EHMT1: variants seen among roughly 807,000 people sequenced by gnomAD.
EHMT1 encodes histone-lysine N-methyltransferase EHMT1.
In EHMT1, 15 loss-of-function variants were observed where a neutral mutation model predicts 147.2. That is an observed-to-expected ratio of 0.10 (90% CI 0.07 to 0.16). The LOEUF (loss-of-function observed/expected upper bound fraction) is 0.16. Ranked by LOEUF, EHMT1 falls within the 10% of genes least tolerant of loss-of-function variation. The pLI is 1.00. For missense variants in EHMT1, 1,587 were observed against 1,772.4 expected (o/e 0.90, Z 1.88); for synonymous variants, 795 against 709.6 (o/e 1.12, Z -1.91).
intron 17 of EHMT1, 35 bp downstream of exon 17, chr9:137,798,949 G>A: frequency 6.5e-7 from 1 of 1,536,378 alleles, no homozygotes; most frequent in South Asian, 1.1e-5. Context: ...AGTACACTGT[G>A]TGGACTGGCT....
intron 1 of EHMT1, among the ~76,000 whole-genome samples, chr9:137,690,316 A>G (rs935813971): frequency 1.3e-5 from 2 of 152,108 alleles, no homozygotes; most frequent in African/African-American, 4.8e-5. Flanking sequence ...ATGTCAGTAC[A>G]TAGAGATCAA....
At chr9:137,704,930 CCCTT>C (rs1258119108) in intron 1 of EHMT1, among the ~76,000 whole-genome samples, 2 of 149,394 alleles carry the variant, frequency 1.3e-5, no homozygotes, top group Non-Finnish European at 3.0e-5. Context: ...TTTCTTTCCT[CCCTT>C]CCTTCCCTTC....
chr9:137,706,883 G>A (rs1309906641), intron 1 of EHMT1, among the ~76,000 whole-genome samples: 4 of 151,750 alleles, frequency 2.6e-5, no homozygotes, highest in Non-Finnish European at 5.9e-5. Context: ...GTGAAGCAGC[G>A]TGATCTCAGC....
At chr9:137,758,855 C>T (rs865995106) in intron 9 of EHMT1, among the ~76,000 whole-genome samples, 2 of 152,226 alleles carry the variant, frequency 1.3e-5, no homozygotes, top group African/African-American at 2.4e-5. Context: ...CGGCTGGGCG[C>T]GGTGGCTCAC....
intron 1 of EHMT1, among the ~76,000 whole-genome samples, chr9:137,624,210 C>G (rs541290421): frequency 6.6e-6 from 1 of 151,866 alleles, no homozygotes; most frequent in South Asian, 2.1e-4. Flanking sequence ...ACCATATTGG[C>G]TAGGCTGGTC....
At chr9:137,704,085 C>G (rs573880818) in intron 1 of EHMT1, among the ~76,000 whole-genome samples, 1 of 152,238 alleles carries the variant, frequency 6.6e-6, no homozygotes, top group South Asian at 2.1e-4. Context: ...ACACACTTTC[C>G]AACAACCAGA....
intron 1 of EHMT1, among the ~76,000 whole-genome samples, chr9:137,682,752 T>C (rs1409911961): frequency 6.6e-6 from 1 of 152,238 alleles, no homozygotes; most frequent in Non-Finnish European, 1.5e-5. Flanking sequence ...GGATGACGGC[T>C]GCTCTGTTAG....
chr9:137,700,354 C>T (rs1588236792), intron 1 of EHMT1, among the ~76,000 whole-genome samples: 1 of 152,160 alleles, frequency 6.6e-6, no homozygotes, highest in East Asian at 1.9e-4. Flanking sequence ...ACTTTTTTCC[C>T]CTTAAGTTTT....
chr9:137,823,016 T>C (rs921540848), intron 25 of EHMT1, among the ~76,000 whole-genome samples: 8 of 149,554 alleles, frequency 5.3e-5, no homozygotes, highest in South Asian at 2.2e-4. Flanking sequence ...CTGCAACGTC[T>C]GCCTCCTGGG....
chr9:137,748,165 T>G (rs947097682), intron 6 of EHMT1, among the ~76,000 whole-genome samples: 3 of 152,188 alleles, frequency 2.0e-5, no homozygotes, highest in Admixed American at 6.5e-5. Context: ...GTTGGGTGCC[T>G]TTTTCACTAT....
At chr9:137,791,626 A>G (rs1164810549) in intron 16 of EHMT1, among the ~76,000 whole-genome samples, 2 of 152,252 alleles carry the variant, frequency 1.3e-5, no homozygotes, top group Admixed American at 1.3e-4. Context: ...AGACCTGAAT[A>G]AATAGAAAGA....
At chr9:137,806,696 G>A (rs1564798648) in intron 18 of EHMT1, among the ~76,000 whole-genome samples, 1 of 152,238 alleles carries the variant, frequency 6.6e-6, no homozygotes, top group Non-Finnish European at 1.5e-5. Context: ...GACTCCCAAA[G>A]TGCTGGGATT....
At chr9:137,635,574 A>G (rs1421236325) in intron 1 of EHMT1, among the ~76,000 whole-genome samples, 1 of 150,226 alleles carries the variant, frequency 6.7e-6, no homozygotes, top group Non-Finnish European at 1.5e-5. Flanking sequence ...TAATCCCAGC[A>G]CTTTGGGAGG....
At chr9:137,696,189 A>G (rs761692282) in intron 1 of EHMT1, among the ~76,000 whole-genome samples, 1 of 152,326 alleles carries the variant, frequency 6.6e-6, no homozygotes, top group Middle Eastern at 3.4e-3. Context: ...TATTGAAAGG[A>G]TTCATTCTTT....
Position 137,777,958 on chromosome 9 carries a change from A to G in EHMT1, c.2095A>G (p.Thr699Ala), listed in dbSNP as rs1262088454. 8.7e-6 allele frequency: 14 copies of G among 1,613,586 alleles called. No homozygotes were observed. The highest frequency in any genetic ancestry group is 5.0e-5 in the Admixed American group (3 of 59,976). The part of the protein sequence containing the change: ...ASHVPEGFDP[T>A]GPAGLGRPTP... ...CCACGTGCCCGAGGGCTTTGATCCAACGGGACCTGCTGGGCTTGGGAGGCC... is the reference window on the plus strand; with the variant it reads ...CCACGTGCCCGAGGGCTTTGATCCAGCGGGACCTGCTGGGCTTGGGAGGCC... Residue 699 changes from threonine to alanine, a missense_variant, in exon 13 of 27, where the codon ACG becomes GCG. This residue lies in a region of EHMT1 where 77 missense variants were observed against 79.3 expected (regional missense o/e 0.97). Transcript: ENST00000460843.
intron 4 of EHMT1, among the ~76,000 whole-genome samples, chr9:137,741,809 T>C (rs1040364484): frequency 5.9e-5 from 9 of 152,170 alleles, no homozygotes; most frequent in African/African-American, 2.2e-4. Flanking sequence ...AAATTCTGCT[T>C]GTAAGTGGAC....
At chr9:137,681,836 CTCAT>C (rs1941970675) in intron 1 of EHMT1, among the ~76,000 whole-genome samples, 1 of 152,198 alleles carries the variant, frequency 6.6e-6, no homozygotes, top group Admixed American at 6.5e-5. Flanking sequence ...AGACATTGTG[CTCAT>C]TCATTCCCTG....
chr9:137,783,982 T>G, intron 15 of EHMT1: 1 of 458,306 alleles, frequency 2.2e-6, no homozygotes, highest in Non-Finnish European at 3.9e-6. Flanking sequence ...TTTTAGTCCT[T>G]TATTTATACC....
At chr9:137,804,565 G>GT (rs1201957180) in intron 18 of EHMT1, among the ~76,000 whole-genome samples, 1 of 152,102 alleles carries the variant, frequency 6.6e-6, no homozygotes, top group East Asian at 1.9e-4. Context: ...AATTTTAAAA[G>GT]TTTTTATAAA....
Sources: allele counts gnomAD v4.1 joint callset (sites outside exome capture counted in the v4.1 genomes callset), GRCh38; gene constraint gnomAD v4.1.1; regional missense constraint gnomAD v4.1.1; transcripts MANE v1.5; gene names NCBI Gene and HGNC (gene_info 2026-07-23, HGNC 2026-07-21).